AFG1L: variants seen among roughly 807,000 people sequenced by gnomAD.
The protein encoded by AFG1L is AFG1-like ATPase.
AFG1L carries 53 observed loss-of-function variants against 62.2 expected under a neutral mutation model. The observed-to-expected ratio is 0.85, with a 90% CI of 0.68 to 1.07. AFG1L has a LOEUF of 1.07. Ranked by LOEUF, AFG1L falls within the 50% of genes least tolerant of loss-of-function variation. The pLI, the probability that AFG1L is intolerant of heterozygous loss-of-function variation, is 0.00. For synonymous variants in AFG1L, 228 were observed against 210.3 expected (o/e 1.08, Z -0.73); for missense variants, 555 against 590.5 (o/e 0.94, Z 0.62).
At position 108,429,750 on chromosome 6, in the gene AFG1L, C is replaced by G. The variant is rs144793519; in HGVS notation, c.808-17464C>G. ...TTCTTTTTGTCTAGGATTGCTTTGG[C>G]TATTAGGGCTCTTTCTTGATTCCAT... On this transcript the variant is annotated intron_variant, in intron 7 of 12. Coordinates refer to ENST00000368977, the MANE Select transcript of AFG1L (RefSeq NM_145315.5). 3.7e-4 allele frequency among the ~76,000 whole-genome samples: 57 copies of G among 152,054 alleles called. 1 individual carries two copies. The East Asian group carries it at 0.011, about 29-fold the overall frequency.
chr6:108,401,060 C>T (rs1219383525), intron 6 of AFG1L, among the ~76,000 whole-genome samples: 2 of 150,808 alleles, frequency 1.3e-5, no homozygotes, highest in Non-Finnish European at 2.9e-5. Flanking sequence ...CTTCCACCTC[C>T]CTGGTTCAAG....
intron 8 of AFG1L, among the ~76,000 whole-genome samples, chr6:108,450,780 G>A (rs9486887): frequency 0.37 from 55,439 of 151,670 alleles, 10,638 homozygotes; most frequent in Non-Finnish European, 0.44. Context: ...TGTTGTATAA[G>A]GTGTAAGGAA....
At chr6:108,462,263 G>A (rs2114781597) in intron 8 of AFG1L, among the ~76,000 whole-genome samples, 1 of 152,024 alleles carries the variant, frequency 6.6e-6, no homozygotes, top group Middle Eastern at 3.4e-3. Context: ...AGCTAACTGG[G>A]CTTGGTGTTG....
At chr6:108,453,757 C>A (rs986844330) in intron 8 of AFG1L, among the ~76,000 whole-genome samples, 1 of 152,194 alleles carries the variant, frequency 6.6e-6, no homozygotes, top group African/African-American at 2.4e-5. Flanking sequence ...AAGGTTGCCA[C>A]CTTCTGGTTT....
intron 2 of AFG1L, among the ~76,000 whole-genome samples, chr6:108,339,252 T>C (rs1159043124): frequency 6.6e-6 from 1 of 151,680 alleles, no homozygotes; most frequent in African/African-American, 2.4e-5. Context: ...ATGATTCTTG[T>C]GCCTCAGCCT....
intron 10 of AFG1L, among the ~76,000 whole-genome samples, chr6:108,504,356 ATGT>A (rs1398811846): frequency 6.6e-6 from 1 of 152,190 alleles, no homozygotes; most frequent in Non-Finnish European, 1.5e-5. Context: ...CCTAATTTTA[ATGT>A]TGTTGTATCT....
At chr6:108,444,811 A>G (rs1318096234) in intron 7 of AFG1L, among the ~76,000 whole-genome samples, 2 of 152,348 alleles carry the variant, frequency 1.3e-5, no homozygotes, top group East Asian at 3.9e-4. Flanking sequence ...GGCAGAGTAG[A>G]TGTAGCAAAA....
At chr6:108,420,834 T>A (rs1770555192) in intron 7 of AFG1L, among the ~76,000 whole-genome samples, 1 of 152,156 alleles carries the variant, frequency 6.6e-6, no homozygotes, top group African/African-American at 2.4e-5. Flanking sequence ...TGAATTCTCT[T>A]CTCTTAGAAC....
At chr6:108,301,742 G>A (rs1335441093) in intron 1 of AFG1L, among the ~76,000 whole-genome samples, 3 of 152,126 alleles carry the variant, frequency 2.0e-5, no homozygotes, top group African/African-American at 7.2e-5. Context: ...TTCCATGAAC[G>A]GGGCAACTGT....
chr6:108,477,203 A>C lies in AFG1L; in HGVS notation c.973A>C (p.Arg325=). 1 of 1,596,404 alleles carries C rather than the reference A, an allele frequency of 6.3e-7. No homozygotes were observed. The highest frequency in any genetic ancestry group is 8.5e-7 in the Non-Finnish European group (1 of 1,170,070). The stretch of plus-strand genomic sequence containing the variant: ...TCATGTTCCCATAGTAACTAGACCA[A>C]GGATTCTAAAAGTGCAAGGCAGAGA... ...AQKQNDLTRP[R]ILKVQGRELR... Residue 325 remains arginine, a synonymous_variant, in exon 10 of 13, where the codon AGG becomes CGG. Transcript: ENST00000368977.
intron 8 of AFG1L, among the ~76,000 whole-genome samples, chr6:108,453,452 T>C (rs1269307660): frequency 6.6e-6 from 1 of 152,192 alleles, no homozygotes; most frequent in African/African-American, 2.4e-5. Flanking sequence ...AGAATATAAC[T>C]TTGAACACCA....
At chr6:108,460,873 C>T (rs150177968) in intron 8 of AFG1L, among the ~76,000 whole-genome samples, 9,983 of 152,130 alleles carry the variant, frequency 0.066, 418 homozygotes, top group Middle Eastern at 0.14. Context: ...AGGAGAATTG[C>T]GTGAACCTGG....
chr6:108,374,471 T>G (rs1780153452), intron 6 of AFG1L, among the ~76,000 whole-genome samples: 2 of 152,226 alleles, frequency 1.3e-5, no homozygotes, highest in South Asian at 4.1e-4. Flanking sequence ...TAGTTTGAAG[T>G]CTTACGTTTA....
intron 10 of AFG1L, among the ~76,000 whole-genome samples, chr6:108,488,086 T>G (rs186063909): frequency 6.6e-6 from 1 of 152,322 alleles, no homozygotes; most frequent in East Asian, 1.9e-4. Context: ...GAAGGAAACT[T>G]GGTTAAATAA....
At chr6:108,317,277 C>T (rs1777641689) in intron 1 of AFG1L, among the ~76,000 whole-genome samples, 1 of 152,170 alleles carries the variant, frequency 6.6e-6, no homozygotes, top group Non-Finnish European at 1.5e-5. Flanking sequence ...CTGGAGTTAT[C>T]CCTCAAATCA....
Position 108,513,438 on chromosome 6 carries a change from C to T in AFG1L, c.1203+3086C>T, listed in dbSNP as rs1774746738. On this transcript the variant is annotated intron_variant, in intron 11 of 12. Transcript: ENST00000368977. ...CCTAATACTGCGCTTTTCCAACAGT[C>T]TTAGCAAACGGCACACCAGGAGATT... is the stretch of plus-strand genomic sequence containing the variant. 2.0e-5 allele frequency among the ~76,000 whole-genome samples: 3 copies of T among 152,212 alleles called. No individual in the cohort carries two copies. In the South Asian group the frequency reaches 6.2e-4, roughly 32 times the overall value.
intron 7 of AFG1L, among the ~76,000 whole-genome samples, chr6:108,422,952 C>G (rs1196772510): frequency 3.3e-5 from 5 of 152,040 alleles, no homozygotes; most frequent in South Asian, 4.1e-4. Context: ...AATAAAGTAG[C>G]CTTTTATACT....
intron 8 of AFG1L, among the ~76,000 whole-genome samples, chr6:108,453,726 T>A (rs1457635609): frequency 6.6e-6 from 1 of 152,236 alleles, no homozygotes; most frequent in African/African-American, 2.4e-5. Context: ...AAACTTTGGC[T>A]GAGACCCAGC....
intron 3 of AFG1L, among the ~76,000 whole-genome samples, chr6:108,351,413 C>A (rs368418457): frequency 6.6e-6 from 1 of 152,058 alleles, no homozygotes; most frequent in African/African-American, 2.4e-5. Context: ...TTTTTGATGA[C>A]CTTGTATCCT....
Sources: gnomAD v4.1 joint callset for allele counts (sites outside exome capture counted in the v4.1 genomes callset) on GRCh38, gnomAD v4.1.1 for gene constraint, MANE v1.5 for transcripts, NCBI Gene and HGNC (gene_info 2026-07-23, HGNC 2026-07-21) for gene names.